Variants in ZNF208 observed in about 807,000 individuals in gnomAD.
ZNF208 encodes the protein zinc finger protein 95.
Under a neutral mutation model 12.1 loss-of-function variants are expected in ZNF208, and 10 were observed. The observed-to-expected ratio is 0.83, with a 90% CI of 0.51 to 1.40. ZNF208 has a LOEUF of 1.40. ZNF208 is among the 40% of genes most tolerant of loss of function. The pLI is 0.00. For missense variants in ZNF208, 1,652 were observed against 1,485.0 expected (o/e 1.11, Z -1.85); for synonymous variants, 497 against 488.4 (o/e 1.02, Z -0.23).
intron 1 of ZNF208, among the ~76,000 whole-genome samples, chr19:22,001,766 A>C (rs1275677615): frequency 6.6e-6 from 1 of 150,882 alleles, no homozygotes; most frequent in East Asian, 2.0e-4. Flanking sequence ...GGTAGCACAC[A>C]CCTGTAATCC....
chr19:21,979,696 C>T lies in ZNF208; in HGVS notation c.227-4889G>A, dbSNP rs934423092. Among the ~76,000 whole-genome samples the T allele has an allele frequency of 3.3e-5, 5 of 152,210 alleles. No individual in the cohort carries two copies. In the South Asian group the frequency reaches 6.2e-4, roughly 19 times the overall value. ...ACTAATGGGCAAAATAACCAGCTAG[C>T]GTCATAATGACAGGATCAAATTCAC... is the stretch of plus-strand genomic sequence containing the variant. On this transcript the variant is annotated intron_variant, in intron 3 of 3. Transcript: ENST00000397126.
At chr19:21,994,038 C>G (rs1970786017) in intron 1 of ZNF208, among the ~76,000 whole-genome samples, 2 of 152,122 alleles carry the variant, frequency 1.3e-5, no homozygotes, top group Admixed American at 6.5e-5. Flanking sequence ...TTTAAAGGAC[C>G]CAGCATTTTT....
intron 4 of ZNF208, among the ~76,000 whole-genome samples, chr19:21,953,426 C>T (rs1969924213): frequency 6.6e-6 from 1 of 151,982 alleles, no homozygotes; most frequent in African/African-American, 2.4e-5. Context: ...GTCAGGTTAC[C>T]CCCAAAAGGA....
chr19:21,950,530 G>A (rs1263895286), intron 4 of ZNF208, among the ~76,000 whole-genome samples: 1 of 141,442 alleles, frequency 7.1e-6, no homozygotes, highest in Non-Finnish European at 1.5e-5. Context: ...GTCTCACTCT[G>A]TCACCTAGGC....
chr19:21,979,275 G>A lies in ZNF208; in HGVS notation c.227-4468C>T, dbSNP rs551055058. ...AAGAGCAACCCCAAGACACAGAATC[G>A]TCAGATTCACCAAGGTTGAAATGAA... On this transcript the variant is annotated intron_variant, in intron 3 of 3. Transcript: ENST00000397126. Among the ~76,000 whole-genome samples, 397 of 152,202 alleles carry A rather than the reference G, an allele frequency of 2.6e-3. 9 individuals carry two copies. The South Asian group carries it at 0.034, about 13-fold the overall frequency.
chr19:21,970,679 C>G lies in ZNF208; in HGVS notation c.*512G>C. ...GACTGGTTGAAGCCTTTGCCACATT[C>G]TTCTCATTTGTAGAGTTTCTCTCCA... On this transcript the variant is annotated 3_prime_UTR_variant, in exon 4 of 4. Coordinates refer to ENST00000397126, the MANE Select transcript of ZNF208 (RefSeq NM_007153.3). 1 of 1,117,444 alleles carries G rather than the reference C, an allele frequency of 8.9e-7. No homozygotes were observed. Among genetic ancestry groups the G allele is most frequent in the Non-Finnish European group, 1.3e-6 (1 of 742,916 alleles). 69.2% of individuals were successfully genotyped at this position (1,117,444 alleles called of 1,614,324 possible).
At chr19:21,990,463 G>C (rs1970712431) in intron 1 of ZNF208, among the ~76,000 whole-genome samples, 1 of 150,962 alleles carries the variant, frequency 6.6e-6, no homozygotes. Flanking sequence ...TCTCTGTTTT[G>C]GTACCAGTAC....
In ZNF208 at chr19:21,968,862, C is replaced by A. The variant is rs1295697803; in HGVS notation, c.*2329G>T. ...TTATTACTTATACAATGTCATTATA[C>A]ATTTTATACATTTTTGCTCTGCTAA... On this transcript the variant is annotated 3_prime_UTR_variant, in exon 4 of 4. Transcript: ENST00000397126. Among the ~76,000 whole-genome samples, 1 of 152,072 alleles carries A rather than the reference C, an allele frequency of 6.6e-6. No homozygotes were observed. The highest frequency in any genetic ancestry group is 1.9e-4 in the East Asian group (1 of 5,184).
chr19:21,952,133 C>T (rs959482434), intron 4 of ZNF208, among the ~76,000 whole-genome samples: 4 of 152,210 alleles, frequency 2.6e-5, no homozygotes, highest in African/African-American at 7.2e-5. Context: ...AGTAGCTAAA[C>T]GAAGTGGCCG....
intron 4 of ZNF208, among the ~76,000 whole-genome samples, chr19:21,960,733 T>G (rs1447445321): frequency 6.6e-6 from 1 of 152,210 alleles, no homozygotes; most frequent in Admixed American, 6.5e-5. Context: ...AGAAAGTCTT[T>G]GCTTCCCCTT....
At chr19:21,987,083 A>G in intron 3 of ZNF208, 133 bp downstream of exon 3, 1 of 886,264 alleles carries the variant, frequency 1.1e-6, no homozygotes, top group Non-Finnish European at 1.6e-6. Flanking sequence ...AGAAAATTAA[A>G]GAATAAAAAT....
Position 21,957,811 on chromosome 19 carries a change from CT to C in ZNF208, c.305+16917del, listed in dbSNP as rs1004414431. 2.8e-3 allele frequency among the ~76,000 whole-genome samples: 428 copies of C among 151,680 alleles called. 3 individuals are homozygous for C. Among genetic ancestry groups the C allele is most frequent in the African/African-American group, 9.4e-3 (389 of 41,364 alleles). ...AAACAATTCAGTCTATTGTGAGTAG[CT>C]TTTTTTTAAATTTTATTTTATTTTA... On this transcript the variant is annotated intron_variant, in intron 4 of 4. Transcript: ENST00000599916.
Position 21,972,204 on chromosome 19 carries a change from AT to A in ZNF208, c.2829del (p.Lys943AsnfsTer51), listed in dbSNP as rs1970303936. On this transcript the variant is annotated frameshift_variant, in exon 4 of 4. Coordinates refer to ENST00000397126, the MANE Select transcript of ZNF208 (RefSeq NM_007153.3). LOFTEE classifies it low-confidence loss of function (END_TRUNC). ...TTGCCACATGCTTCACATTTGTAGAATTTCTCTCCAGCATGAGTTTTCTTAT... is the reference window on the plus strand; with the variant it reads ...TTGCCACATGCTTCACATTTGTAGAATTCTCTCCAGCATGAGTTTTCTTAT... ...SKHKKTHAGE[K>X]FYKCEACGKA... 2.5e-6 allele frequency: 4 copies of A among 1,599,476 alleles called. No homozygotes were observed. Among genetic ancestry groups the A allele is most frequent in the Non-Finnish European group, 3.4e-6 (4 of 1,174,730 alleles).
At chr19:21,948,489 G>A (rs998623161) in intron 4 of ZNF208, among the ~76,000 whole-genome samples, 1 of 152,076 alleles carries the variant, frequency 6.6e-6, no homozygotes, top group Non-Finnish European at 1.5e-5. Context: ...CCCATATTTT[G>A]GGCCCCCAAT....
At chr19:21,948,063 G>A (rs1266545501) in intron 4 of ZNF208, among the ~76,000 whole-genome samples, 1 of 152,156 alleles carries the variant, frequency 6.6e-6, no homozygotes, top group Non-Finnish European at 1.5e-5. Flanking sequence ...TCGAGAAGTG[G>A]TATGCCCTTT....
At chr19:22,008,228 G>A (rs1032358439) in intron 1 of ZNF208, among the ~76,000 whole-genome samples, 4 of 150,162 alleles carry the variant, frequency 2.7e-5, no homozygotes, top group Admixed American at 6.7e-5. Context: ...GCTTGAACCC[G>A]GGAGGCAGAG....
At position 21,950,752 on chromosome 19, in the gene ZNF208, C is replaced by T. The variant is rs531128055; in HGVS notation, c.306-17515G>A. On this transcript the variant is annotated intron_variant, in intron 4 of 4. Transcript: ENST00000599916. The stretch of plus-strand genomic sequence containing the variant: ...TCAGGTGATCCACCCGCCTCAGCCT[C>T]CCAAAGTGCTGGGATTACAGGCATG... Among the ~76,000 whole-genome samples, 108 of 152,244 alleles carry T rather than the reference C, an allele frequency of 7.1e-4. 4 individuals are homozygous for T. The South Asian group carries it at 0.022, about 31-fold the overall frequency.
intron 4 of ZNF208, among the ~76,000 whole-genome samples, chr19:21,957,872 C>A (rs2522105): frequency 0.62 from 93,627 of 151,328 alleles, 29,641 homozygotes; most frequent in African/African-American, 0.74. Flanking sequence ...TTTAGGGTAC[C>A]TGTGCACAAT....
intron 4 of ZNF208, among the ~76,000 whole-genome samples, chr19:21,953,541 T>A (rs986510230): frequency 6.6e-6 from 1 of 152,188 alleles, no homozygotes; most frequent in African/African-American, 2.4e-5. Flanking sequence ...CAACCCAGAA[T>A]TTCATGTCCA....
Sources: allele counts gnomAD v4.1 joint callset (sites outside exome capture counted in the v4.1 genomes callset), GRCh38; gene constraint gnomAD v4.1.1; transcripts MANE v1.5; gene names NCBI Gene and HGNC (gene_info 2026-07-23, HGNC 2026-07-21).